CHIA: variants seen among roughly 807,000 people sequenced by gnomAD.
CHIA encodes the protein acidic mammalian chitinase.
A neutral mutation model predicts 53.5 loss-of-function variants in CHIA; 47 were observed. The observed-to-expected ratio is 0.88, with a 90% CI of 0.70 to 1.12. CHIA has a LOEUF of 1.12. Among genes scored for constraint, CHIA ranks in the 50% most tolerant of loss-of-function variants. CHIA has a pLI of 0.00. For synonymous variants in CHIA, 268 were observed against 222.2 expected (o/e 1.21, Z -1.83); for missense variants, 652 against 592.2 (o/e 1.10, Z -1.05).
At chr1:111,301,389 G>A (rs28849976) in intron 1 of CHIA, among the ~76,000 whole-genome samples, 42,213 of 151,750 alleles carry the variant, frequency 0.28, 6,142 homozygotes, top group East Asian at 0.36. Context: ...ACCATGAAAT[G>A]CTATGCAGCC....
At chr1:111,310,277 G>A (rs1648555080) in intron 1 of CHIA, 123 bp from the exon 2 acceptor site, 2 of 1,140,068 alleles carry the variant, frequency 1.8e-6, no homozygotes, top group Admixed American at 2.9e-5. Context: ...GGCAGAGAAG[G>A]TGGTGATGCT....
intron 1 of CHIA, among the ~76,000 whole-genome samples, chr1:111,304,203 G>A (rs1017360995): frequency 4.6e-5 from 7 of 152,098 alleles, no homozygotes; most frequent in African/African-American, 1.4e-4. Flanking sequence ...ATTATATTGT[G>A]TCTTGCGTGG....
intron 9 of CHIA, 90 bp from the exon 10 acceptor site, chr1:111,319,030 A>C (rs1457833708): frequency 9.4e-6 from 14 of 1,494,392 alleles, no homozygotes; most frequent in Non-Finnish European, 1.2e-5. Flanking sequence ...CAAAACCCCA[A>C]CTGGAGACAT....
At chr1:111,311,208 C>T (rs1648639880) in intron 2 of CHIA, among the ~76,000 whole-genome samples, 1 of 152,214 alleles carries the variant, frequency 6.6e-6, no homozygotes. Flanking sequence ...TCTGGAGTCT[C>T]ACCCCATAGT....
At chr1:111,315,059 T>G in intron 5 of CHIA, 1 of 510,124 alleles carries the variant, frequency 2.0e-6, no homozygotes. Context: ...AGAGCAGAGT[T>G]GGGGGGATAA....
At chr1:111,312,142 C>A in intron 3 of CHIA, 48 bp from the exon 4 acceptor site, 1 of 1,491,912 alleles carries the variant, frequency 6.7e-7, no homozygotes, top group Non-Finnish European at 9.3e-7. Flanking sequence ...CAGCACACTT[C>A]AGTGGATCCT....
At chr1:111,315,691 C>A (rs1358190373) in intron 6 of CHIA, 1 of 541,896 alleles carries the variant, frequency 1.8e-6, no homozygotes, top group Non-Finnish European at 3.5e-6. Flanking sequence ...CATATTTACT[C>A]TATGGCATAC....
chr1:111,316,910 C>T (rs1649207160), intron 6 of CHIA: 1 of 152,218 alleles, frequency 6.6e-6, no homozygotes, highest in South Asian at 2.1e-4. Flanking sequence ...GAACATGCCT[C>T]TAGTCATAAT....
At chr1:111,294,327 T>C (rs1661210433) in intron 1 of CHIA, among the ~76,000 whole-genome samples, 1 of 152,246 alleles carries the variant, frequency 6.6e-6, no homozygotes, top group Admixed American at 6.5e-5. Flanking sequence ...CTATTGTAAA[T>C]GAAATTATTT....
chr1:111,317,290 G>T (rs10494134), intron 6 of CHIA: 65,863 of 180,872 alleles, frequency 0.36, 13,603 homozygotes, highest in Middle Eastern at 0.49. Flanking sequence ...TTGATGGGAT[G>T]TCAGTCCTAT....
intron 2 of CHIA, among the ~76,000 whole-genome samples, chr1:111,311,053 A>G (rs973225917): frequency 8.5e-5 from 13 of 152,234 alleles, no homozygotes; most frequent in Admixed American, 2.6e-4. Context: ...TTTAGAGACA[A>G]GTCATACCAA....
rs777179742 is a variant in CHIA, at chr1:111,318,034, G to A, written c.654G>A (p.Trp218Ter). The change falls in exon 8 of 12, where the codon TGG becomes TGA. Residue 218 changes from tryptophan (W) to a stop codon, truncating the protein, a stop_gained. Transcript: ENST00000369740. LOFTEE classifies it high-confidence loss of function. ...TGACCTACGACCTCCATGGCTCCTGGGAGGGCTACACTGGAGAGAACAGCC... is the reference window on the plus strand; with the variant it reads ...TGACCTACGACCTCCATGGCTCCTGAGAGGGCTACACTGGAGAGAACAGCC... ...HVMTYDLHGS[W>*]EGYTGENSPL... 1 of 1,614,128 alleles carries A rather than the reference G, an allele frequency of 6.2e-7. No homozygotes were observed. The highest frequency in any genetic ancestry group is 8.5e-7 in the Non-Finnish European group (1 of 1,179,998).
At chr1:111,298,785 C>A (rs772587777) in intron 1 of CHIA, among the ~76,000 whole-genome samples, 1 of 152,062 alleles carries the variant, frequency 6.6e-6, no homozygotes, top group Non-Finnish European at 1.5e-5. Context: ...CTCAAAAAAT[C>A]AGTGAATCCA....
chr1:111,310,289 G>C (rs1445191871), intron 1 of CHIA, 111 bp from the exon 2 acceptor site: 1 of 1,254,116 alleles, frequency 8.0e-7, no homozygotes, highest in African/African-American at 1.5e-5. Flanking sequence ...GGTGATGCTG[G>C]TGGTGGGAGG....
rs142507494 is a variant in CHIA at position 111,310,519 on chromosome 1, T to C, written c.25+27T>C. The C allele has an allele frequency of 3.2e-5, 52 of 1,614,064 alleles. No individual in the cohort carries two copies. The African/African-American group carries it at 4.3e-4, about 13-fold the overall frequency. On this transcript the variant is annotated intron_variant, in intron 2 of 11. Transcript: ENST00000369740. ...TGGGTTTGTAATCAGAGATTGACCC[T>C]TCATCTTATCTAGTTTCTTTTTCTC...
chr1:111,317,589 G>A (rs960905706), intron 6 of CHIA, 92 bp from the exon 7 acceptor site: 5 of 1,408,552 alleles, frequency 3.5e-6, no homozygotes, highest in Middle Eastern at 1.8e-4. Flanking sequence ...ATTTAAGAGA[G>A]AGAAGCATTA....
intron 2 of CHIA, among the ~76,000 whole-genome samples, 162 bp from the exon 3 acceptor site, chr1:111,311,527 A>G (rs1173610494): frequency 6.6e-6 from 1 of 152,224 alleles, no homozygotes; most frequent in Admixed American, 6.5e-5. Flanking sequence ...GGGGAAAGGT[A>G]GATCTACTGT....
At chr1:111,318,998 A>C in intron 9 of CHIA, 122 bp from the exon 10 acceptor site, 1 of 1,355,858 alleles carries the variant, frequency 7.4e-7, no homozygotes, top group Non-Finnish European at 9.9e-7. Context: ...CTACAAATAA[A>C]AACCTGTAAC....
chr1:111,311,983 A>G (rs1648717419), intron 3 of CHIA, among the ~76,000 whole-genome samples: 2 of 152,196 alleles, frequency 1.3e-5, no homozygotes, highest in Non-Finnish European at 2.9e-5. Context: ...TGAGTCTGTG[A>G]AAGTTAAAAA....
Sources: allele counts gnomAD v4.1 joint callset (sites outside exome capture counted in the v4.1 genomes callset), GRCh38; gene constraint gnomAD v4.1.1; transcripts MANE v1.5; gene names NCBI Gene and HGNC (gene_info 2026-07-23, HGNC 2026-07-21).